INPP4B: variants seen among roughly 807,000 people sequenced by gnomAD.
INPP4B encodes inositol polyphosphate-4-phosphatase type II B.
In INPP4B, 55 loss-of-function variants were observed where a neutral mutation model predicts 122.5. That is an observed-to-expected ratio of 0.45 (90% CI 0.36 to 0.56). INPP4B has a LOEUF of 0.56. Among genes scored for constraint, INPP4B ranks in the 20% least tolerant of loss-of-function variants. INPP4B has a pLI of 0.00. For synonymous variants in INPP4B, 403 were observed against 388.7 expected, an observed-to-expected ratio of 1.04 and a Z score of -0.43; for missense variants, 1,000 against 1,097.7, an observed-to-expected ratio of 0.91 and a Z score of 1.26.
chr4:142,081,879 A>G, intron 25 of INPP4B, 152 bp downstream of exon 25: 1 of 456,960 alleles, frequency 2.2e-6, no homozygotes, highest in Non-Finnish European at 3.8e-6. Context: ...GGAGAAAATT[A>G]TCTATCTCTG....
chr4:142,522,775 C>T (rs755526445), intron 2 of INPP4B, among the ~76,000 whole-genome samples: 1 of 151,928 alleles, frequency 6.6e-6, no homozygotes, highest in African/African-American at 2.4e-5. Context: ...TCTGTAATAC[C>T]CATTACAAGT....
chr4:142,670,899 C>T (rs1234255751), intron 2 of INPP4B, among the ~76,000 whole-genome samples: 1 of 151,996 alleles, frequency 6.6e-6, no homozygotes, highest in Non-Finnish European at 1.5e-5. Context: ...AAACATGATG[C>T]TCTACATGGT....
In INPP4B at chr4:142,700,096, G is replaced by T. The variant is rs374904479; in HGVS notation, c.-191+25743C>A. 3.4e-4 allele frequency among the ~76,000 whole-genome samples: 51 copies of T among 151,926 alleles called. No individual in the cohort carries two copies. In the East Asian group the frequency reaches 7.8e-3, roughly 23 times the overall value. ...CTTACTAGATTTGCCTATACTCATGGTTTTCAAATTTTCTTCTCCAATCCT... is the reference window on the plus strand; with the variant it reads ...CTTACTAGATTTGCCTATACTCATGTTTTTCAAATTTTCTTCTCCAATCCT... On this transcript the variant is annotated intron_variant, in intron 2 of 25. Coordinates refer to ENST00000262992, the MANE Select transcript of INPP4B (RefSeq NM_001101669.3).
intron 12 of INPP4B, among the ~76,000 whole-genome samples, chr4:142,209,357 T>A (rs184844051): frequency 8.5e-5 from 13 of 152,116 alleles, no homozygotes; most frequent in African/African-American, 3.1e-4. Context: ...AAAACCTCTA[T>A]GTAAAGATGG....
chr4:142,824,314 A>ATCTCTATC (rs1554016382), intron 1 of INPP4B, among the ~76,000 whole-genome samples: 27 of 150,738 alleles, frequency 1.8e-4, no homozygotes, highest in African/African-American at 6.4e-4. Flanking sequence ...CTGTCTATCT[A>ATCTCTATC]TCTATCTCTA....
At chr4:142,070,242 A>G (rs1166336528) in intron 25 of INPP4B, among the ~76,000 whole-genome samples, 2 of 152,192 alleles carry the variant, frequency 1.3e-5, no homozygotes, top group Admixed American at 1.3e-4. Context: ...AAACCACATG[A>G]TAATCTCAAT....
intron 1 of INPP4B, among the ~76,000 whole-genome samples, chr4:142,789,838 C>T (rs1299572688): frequency 6.6e-6 from 1 of 151,952 alleles, no homozygotes; most frequent in Non-Finnish European, 1.5e-5. Context: ...TCTAACTATA[C>T]TAAAAGGCCA....
At chr4:142,710,933 G>C (rs774043584) in intron 2 of INPP4B, among the ~76,000 whole-genome samples, 6 of 152,002 alleles carry the variant, frequency 3.9e-5, no homozygotes, top group Non-Finnish European at 7.4e-5. Flanking sequence ...TTGTTCCTTG[G>C]TGTCTCTCCC....
In INPP4B at chr4:142,103,464, G is replaced by A. The variant is rs533708655; in HGVS notation, c.2374+4629C>T. The stretch of plus-strand genomic sequence containing the variant: ...CAGATGATGTTTTATTTTTCCTGGC[G>A]CAAAAATAAAATCTGTGACAATGCA... On this transcript the variant is annotated intron_variant, in intron 23 of 25. Transcript: ENST00000262992. 2.9e-4 allele frequency among the ~76,000 whole-genome samples: 44 copies of A among 151,744 alleles called. 1 individual carries two copies. Among genetic ancestry groups the A allele is most frequent in the Middle Eastern group, 6.8e-3 (2 of 294 alleles).
chr4:142,764,957 A>G (rs748157133), intron 1 of INPP4B, among the ~76,000 whole-genome samples: 9 of 152,146 alleles, frequency 5.9e-5, no homozygotes, highest in Non-Finnish European at 7.4e-5. Flanking sequence ...TTAAGAGTAA[A>G]TAATCTACTC....
At chr4:142,092,368 G>A (rs1230767441) in intron 23 of INPP4B, among the ~76,000 whole-genome samples, 1 of 150,782 alleles carries the variant, frequency 6.6e-6, no homozygotes, top group African/African-American at 2.4e-5. Flanking sequence ...TCGGCTCACT[G>A]CAACCTCTGC....
intron 12 of INPP4B, among the ~76,000 whole-genome samples, chr4:142,226,674 A>G (rs1018622828): frequency 6.6e-6 from 1 of 152,254 alleles, no homozygotes; most frequent in African/African-American, 2.4e-5. Flanking sequence ...AAAGTTGTAG[A>G]CAGAAAAACC....
chr4:142,451,744 G>C (rs1374783565), intron 3 of INPP4B, among the ~76,000 whole-genome samples: 1 of 152,126 alleles, frequency 6.6e-6, no homozygotes, highest in Non-Finnish European at 1.5e-5. Flanking sequence ...GCAAAATATT[G>C]ACAGTTAAAA....
At chr4:142,469,837 T>C (rs948096039) in intron 2 of INPP4B, among the ~76,000 whole-genome samples, 6 of 152,152 alleles carry the variant, frequency 3.9e-5, no homozygotes, top group African/African-American at 1.4e-4. Flanking sequence ...TAAATGGGCA[T>C]AGGACTCCAA....
intron 7 of INPP4B, among the ~76,000 whole-genome samples, chr4:142,395,598 T>C (rs942453859): frequency 2.0e-5 from 3 of 152,144 alleles, no homozygotes; most frequent in South Asian, 2.1e-4. Context: ...CTAAGAGATA[T>C]TAGCACTGCA....
chr4:142,105,058 G>A (rs916395344), intron 23 of INPP4B, among the ~76,000 whole-genome samples: 4 of 152,060 alleles, frequency 2.6e-5, no homozygotes, highest in Non-Finnish European at 4.4e-5. Context: ...ATTCCTATAT[G>A]TGGCCTCTTT....
intron 2 of INPP4B, among the ~76,000 whole-genome samples, chr4:142,527,793 G>A (rs1827121315): frequency 1.3e-5 from 2 of 151,812 alleles, no homozygotes; most frequent in South Asian, 2.1e-4. Context: ...TGAAGTCAAG[G>A]CAATTCTTAC....
At chr4:142,336,931 T>A (rs1190370651) in intron 7 of INPP4B, among the ~76,000 whole-genome samples, 1 of 152,234 alleles carries the variant, frequency 6.6e-6, no homozygotes, top group Non-Finnish European at 1.5e-5. Context: ...ACAACCCCAG[T>A]ATTCTCCACT....
intron 2 of INPP4B, among the ~76,000 whole-genome samples, chr4:142,568,131 C>G (rs1732037694): frequency 7.1e-6 from 1 of 140,264 alleles, no homozygotes. Context: ...TATTCTTTCC[C>G]CTTTTCCTTT....
Sources: allele counts gnomAD v4.1 joint callset (sites outside exome capture counted in the v4.1 genomes callset), GRCh38; gene constraint gnomAD v4.1.1; transcripts MANE v1.5; gene names NCBI Gene and HGNC (gene_info 2026-07-23, HGNC 2026-07-21).